RFTN2: variants seen among roughly 807,000 people sequenced by gnomAD.
RFTN2 encodes the protein raftlin-2.
A neutral mutation model predicts 52.7 loss-of-function variants in RFTN2; 34 were observed. The ratio of observed to expected loss-of-function variants is 0.64; its 90% CI spans 0.49 to 0.86. The LOEUF is 0.86. RFTN2 is among the 40% of genes least tolerant of loss of function. The probability of loss-of-function intolerance (pLI) is 0.00; values close to 1 mark genes in which losing one functional copy is unlikely to be tolerated. For missense variants in RFTN2, 536 were observed against 600.1 expected (o/e 0.89, Z 1.12); for synonymous variants, 203 against 217.7 (o/e 0.93, Z 0.59).
intron 7 of RFTN2, 136 bp downstream of exon 7, chr2:197,615,740 T>C: frequency 1.7e-6 from 1 of 592,324 alleles, no homozygotes; most frequent in Non-Finnish European, 3.0e-6. Context: ...ACCTCTAAGG[T>C]CCATAAAATC....
rs774980009 is a variant in RFTN2, at chr2:197,633,855, C to T, written c.581G>A (p.Cys194Tyr). 2 of 1,613,830 alleles carry T rather than the reference C, an allele frequency of 1.2e-6. No homozygotes were observed. The highest frequency in any genetic ancestry group is 2.7e-5 in the African/African-American group (2 of 74,908). The change falls in exon 4 of 9, where the codon TGT becomes TAT. Residue 194 changes from cysteine to tyrosine, a missense_variant. Coordinates refer to ENST00000295049, the MANE Select transcript of RFTN2 (RefSeq NM_144629.3). ...LHVRHGSDEN[C>Y]RSWNEGTLSG... ...TAACGTCCCTTCATTCCAACTTCTA[C>T]AGTTTTCATCTGAACCGTGTCTCAC...
chr2:197,640,689 C>A (rs886685030), intron 3 of RFTN2, among the ~76,000 whole-genome samples: 16 of 150,350 alleles, frequency 1.1e-4, no homozygotes, highest in Admixed American at 2.7e-4. Flanking sequence ...AGAAATCACC[C>A]GTCTTCTGCG....
chr2:197,589,734 T>C (rs910978614), intron 8 of RFTN2, among the ~76,000 whole-genome samples: 2 of 152,212 alleles, frequency 1.3e-5, no homozygotes, highest in African/African-American at 2.4e-5. Context: ...TGAGAGTCCT[T>C]GATACCCCTT....
At chr2:197,607,814 G>A (rs796306535) in intron 7 of RFTN2, among the ~76,000 whole-genome samples, 1 of 152,188 alleles carries the variant, frequency 6.6e-6, no homozygotes, top group African/African-American at 2.4e-5. Context: ...ACAAAGAAAA[G>A]GGCACTGCTA....
rs1375943459 is a variant in RFTN2 at position 197,615,897 on chromosome 2, G to A, written c.1133C>T (p.Thr378Ile). ...FGWLLTSVLP[T>I]PVLRHDSEGN... ...TTACCTGTCATGTCTCAATACAGGT[G>A]TGGGCAACACGCTTGTCAGAAGCCA... The change falls in exon 7 of 9, where the codon ACA (threonine) becomes ATA (isoleucine). Residue 378 changes from threonine to isoleucine, a missense_variant. By Grantham distance (89) the Thr-to-Ile change is moderately conservative. Coordinates refer to ENST00000295049, the MANE Select transcript of RFTN2 (RefSeq NM_144629.3). 6.4e-7 allele frequency: 1 copy of A among 1,552,914 alleles called. No individual in the cohort carries two copies. The highest frequency in any genetic ancestry group is 8.7e-7 in the Non-Finnish European group (1 of 1,145,648).
intron 3 of RFTN2, among the ~76,000 whole-genome samples, chr2:197,643,356 G>A (rs1055051470): frequency 4.6e-5 from 7 of 152,132 alleles, no homozygotes; most frequent in African/African-American, 1.7e-4. Context: ...GCCTCCAAAA[G>A]TGTTGGGATT....
chr2:197,576,073 A>G (rs530953647), intron 8 of RFTN2, among the ~76,000 whole-genome samples: 90 of 151,456 alleles, frequency 5.9e-4, no homozygotes, highest in Non-Finnish European at 1.1e-3. Flanking sequence ...CGGTGGTGCA[A>G]TCCCAGCACA....
Position 197,644,185 on chromosome 2 carries a change from A to C in RFTN2, c.411T>G (p.Asn137Lys), listed in dbSNP as rs747534904. 6.2e-6 allele frequency: 10 copies of C among 1,611,284 alleles called. No individual in the cohort carries two copies. The highest frequency in any genetic ancestry group is 1.6e-4 in the Middle Eastern group (1 of 6,076). Residue 137 changes from asparagine to lysine, a missense_variant, in exon 3 of 9, where the codon AAT becomes AAG. By Grantham distance (94) the Asn-to-Lys change is moderately conservative. Transcript: ENST00000295049. Reference sequence around the variant, plus strand: ...TTTCTATCAGTTCTTTTGCTGCGTCATTTGTTTGTGCCTCAGAAGTTAGGG... The same window carrying C: ...TTTCTATCAGTTCTTTTGCTGCGTCCTTTGTTTGTGCCTCAGAAGTTAGGG... ...ECPLTSEAQT[N>K]DAAKELIEKI...
intron 8 of RFTN2, among the ~76,000 whole-genome samples, chr2:197,580,635 C>A (rs151081614): frequency 1.3e-5 from 2 of 152,166 alleles, no homozygotes; most frequent in Non-Finnish European, 2.9e-5. Flanking sequence ...CCATCACAGA[C>A]GCTTTAGGTA....
intron 1 of RFTN2, among the ~76,000 whole-genome samples, chr2:197,673,584 A>G (rs2089175773): frequency 2.0e-5 from 3 of 152,210 alleles, no homozygotes; most frequent in Non-Finnish European, 2.9e-5. Context: ...CTCTGCCCAT[A>G]CTTAAACTTT....
chr2:197,588,805 A>G (rs946732786), intron 8 of RFTN2, among the ~76,000 whole-genome samples: 21 of 152,192 alleles, frequency 1.4e-4, no homozygotes, highest in Non-Finnish European at 1.6e-4. Context: ...ACCAAATCTC[A>G]TCTTGTAGCT....
chr2:197,674,995 CACTA>C (rs1195680117), intron 1 of RFTN2, among the ~76,000 whole-genome samples: 3 of 152,188 alleles, frequency 2.0e-5, no homozygotes, highest in African/African-American at 7.2e-5. Context: ...TACAAACTGT[CACTA>C]AGGCTATATA....
At chr2:197,658,819 A>T (rs1044062656) in intron 1 of RFTN2, among the ~76,000 whole-genome samples, 2 of 152,212 alleles carry the variant, frequency 1.3e-5, no homozygotes, top group Admixed American at 6.5e-5. Flanking sequence ...TAAGAGCTTT[A>T]TATATCTTGC....
chr2:197,608,292 C>T (rs1245284359), intron 7 of RFTN2, among the ~76,000 whole-genome samples: 1 of 150,472 alleles, frequency 6.6e-6, no homozygotes, highest in African/African-American at 2.5e-5. Context: ...TTATTCACAT[C>T]TTGTCCTTAG....
intron 8 of RFTN2, among the ~76,000 whole-genome samples, chr2:197,577,594 A>G (rs1383966666): frequency 6.6e-6 from 1 of 152,242 alleles, no homozygotes; most frequent in African/African-American, 2.4e-5. Context: ...TTGGCTTCAG[A>G]TACGGCTGAT....
intron 1 of RFTN2, among the ~76,000 whole-genome samples, chr2:197,672,126 C>T (rs1482726066): frequency 6.6e-6 from 1 of 152,074 alleles, no homozygotes; most frequent in African/African-American, 2.4e-5. Flanking sequence ...CATTACTATA[C>T]AATAATCCAG....
intron 3 of RFTN2, among the ~76,000 whole-genome samples, chr2:197,638,792 C>G (rs1450612846): frequency 1.7e-5 from 2 of 121,198 alleles, no homozygotes; most frequent in East Asian, 4.9e-4. Flanking sequence ...ATGATGTTAG[C>G]TGGTTATTTT....
intron 1 of RFTN2, among the ~76,000 whole-genome samples, chr2:197,667,864 G>C (rs1043196871): frequency 6.6e-5 from 10 of 152,144 alleles, no homozygotes; most frequent in Admixed American, 5.9e-4. Context: ...GACCCAGTGA[G>C]GCACATGTTG....
chr2:197,587,607 C>T (rs1281457980), intron 8 of RFTN2, among the ~76,000 whole-genome samples: 1 of 152,090 alleles, frequency 6.6e-6, no homozygotes, highest in Non-Finnish European at 1.5e-5. Flanking sequence ...ACGGCCCTAC[C>T]CCTTTCTCCC....
Sources: allele counts gnomAD v4.1 joint callset (sites outside exome capture counted in the v4.1 genomes callset), GRCh38; gene constraint gnomAD v4.1.1; transcripts MANE v1.5; gene names NCBI Gene and HGNC (gene_info 2026-07-23, HGNC 2026-07-21).